The following RBFOX1 variants were observed in gnomAD, a reference collection of about 807,000 sequenced individuals.
The protein encoded by RBFOX1 is RNA binding fox-1 homolog 1.
A neutral mutation model predicts 57.7 loss-of-function variants in RBFOX1; 8 were observed. The observed-to-expected ratio is 0.14, with a 90% CI of 0.08 to 0.25. The LOEUF (loss-of-function observed/expected upper bound fraction) is 0.25, where lower values mean the gene tolerates loss of function less well. Ranked by LOEUF, RBFOX1 falls within the 10% of genes least tolerant of loss-of-function variation. RBFOX1 has a pLI of 1.00. For missense variants in RBFOX1, 611 were observed against 548.5 expected (o/e 1.11, Z -1.14); for synonymous variants, 326 against 222.4 (o/e 1.47, Z -4.15).
intron 3 of RBFOX1, among the ~76,000 whole-genome samples, chr16:6,811,384 C>G (rs1006141269): frequency 2.0e-5 from 3 of 152,154 alleles, no homozygotes; most frequent in African/African-American, 4.8e-5. Context: ...ATGTGATTAG[C>G]TTTTAGCTAG....
chr16:7,181,261 C>T (rs1036545687), intron 4 of RBFOX1, among the ~76,000 whole-genome samples: 1 of 152,154 alleles, frequency 6.6e-6, no homozygotes, highest in African/African-American at 2.4e-5. Flanking sequence ...GTCATGAGAA[C>T]TGAAGGAGTA....
At chr16:7,248,386 G>A (rs763886825) in intron 4 of RBFOX1, among the ~76,000 whole-genome samples, 2 of 152,190 alleles carry the variant, frequency 1.3e-5, no homozygotes, top group Non-Finnish European at 2.9e-5. Context: ...GTGGGTATCA[G>A]AATACATTTG....
At chr16:6,006,435 T>G (rs1175162669) in intron 4 of RBFOX1, among the ~76,000 whole-genome samples, 1 of 151,960 alleles carries the variant, frequency 6.6e-6, no homozygotes, top group Non-Finnish European at 1.5e-5. Context: ...AGTAGAATAT[T>G]ACATGCCAGT....
At chr16:6,999,000 C>G (rs890975775) in intron 3 of RBFOX1, among the ~76,000 whole-genome samples, 1 of 151,410 alleles carries the variant, frequency 6.6e-6, no homozygotes, top group African/African-American at 2.4e-5. Context: ...TCCTGAGTAG[C>G]TGGAATTACA....
intron 4 of RBFOX1, among the ~76,000 whole-genome samples, chr16:5,894,034 C>T (rs1463081775): frequency 6.6e-6 from 1 of 152,014 alleles, no homozygotes; most frequent in Non-Finnish European, 1.5e-5. Flanking sequence ...GAGGAAGTAG[C>T]AGTCATCCAC....
chr16:6,311,157 G>A, intron 1 of RBFOX1, among the ~76,000 whole-genome samples: 1 of 151,766 alleles, frequency 6.6e-6, no homozygotes. Flanking sequence ...TTAGCTGGAC[G>A]TTGTGGTGGG....
intron 2 of RBFOX1, among the ~76,000 whole-genome samples, chr16:6,446,189 A>G (rs984075690): frequency 6.6e-6 from 1 of 152,090 alleles, no homozygotes; most frequent in African/African-American, 2.4e-5. Context: ...TATTCATTAG[A>G]GCCAGGGTCT....
intron 4 of RBFOX1, among the ~76,000 whole-genome samples, chr16:5,887,600 C>T (rs980876361): frequency 1.3e-5 from 2 of 152,224 alleles, no homozygotes; most frequent in Non-Finnish European, 1.5e-5. Flanking sequence ...GATGAGGTTT[C>T]ACCAAGTTGG....
chr16:5,316,313 A>G (rs183590480), intron 1 of RBFOX1, among the ~76,000 whole-genome samples: 2 of 152,312 alleles, frequency 1.3e-5, no homozygotes, highest in Admixed American at 1.3e-4. Flanking sequence ...TCAGTGTGGC[A>G]TTGCACCTTC....
At chr16:7,004,831 C>T (rs2093157263) in intron 3 of RBFOX1, among the ~76,000 whole-genome samples, 1 of 152,114 alleles carries the variant, frequency 6.6e-6, no homozygotes, top group Non-Finnish European at 1.5e-5. Flanking sequence ...CTGTTGGAAC[C>T]TGTTGGGACA....
intron 3 of RBFOX1, among the ~76,000 whole-genome samples, chr16:6,909,328 C>T (rs8047057): frequency 6.6e-6 from 1 of 151,918 alleles, no homozygotes; most frequent in Admixed American, 6.6e-5. Flanking sequence ...CTCTGGTCTT[C>T]CTCTTGTAAG....
intron 3 of RBFOX1, among the ~76,000 whole-genome samples, chr16:5,834,779 T>C (rs59150948): frequency 2.7e-3 from 61 of 22,828 alleles, no homozygotes; most frequent in Non-Finnish European, 4.3e-3. Context: ...GCACAGATGA[T>C]AGATAGATAG....
At position 7,010,842 on chromosome 16, in the gene RBFOX1, G is replaced by A. The variant is rs1200693798; in HGVS notation, c.-15-41215G>A. Among the ~76,000 whole-genome samples, 3 of 152,182 alleles carry A rather than the reference G, an allele frequency of 2.0e-5. No homozygotes were observed. In the East Asian group the frequency reaches 5.8e-4, roughly 29 times the overall value. ...TGCCTCTGCCTCCGCCTCCCAAAGTGCTGGGATTATAGGCATGAGCCACTG... is the reference window on the plus strand; with the variant it reads ...TGCCTCTGCCTCCGCCTCCCAAAGTACTGGGATTATAGGCATGAGCCACTG... On this transcript the variant is annotated intron_variant, in intron 3 of 15. Transcript: ENST00000550418.
At chr16:5,780,484 C>T (rs144090787) in intron 3 of RBFOX1, among the ~76,000 whole-genome samples, 2 of 152,082 alleles carry the variant, frequency 1.3e-5, no homozygotes. Flanking sequence ...AAGATAAAAT[C>T]ATAATATCAC....
chr16:6,618,957 G>T (rs1447538384), intron 2 of RBFOX1, among the ~76,000 whole-genome samples: 1 of 152,160 alleles, frequency 6.6e-6, no homozygotes, highest in South Asian at 2.1e-4. Flanking sequence ...CACAGAGAAT[G>T]CAAAAGGGTT....
intron 4 of RBFOX1, among the ~76,000 whole-genome samples, chr16:7,365,017 T>C (rs1418037071): frequency 5.3e-5 from 8 of 152,160 alleles, no homozygotes; most frequent in African/African-American, 1.7e-4. Context: ...TCTGTCTGTC[T>C]ATCCATCCGT....
At chr16:6,024,739 C>T (rs182728839) in intron 1 of RBFOX1, among the ~76,000 whole-genome samples, 49 of 152,326 alleles carry the variant, frequency 3.2e-4, no homozygotes, top group Non-Finnish European at 5.7e-4. Flanking sequence ...CCTCCTCGGC[C>T]TCTCAAAGTG....
intron 4 of RBFOX1, among the ~76,000 whole-genome samples, chr16:7,360,376 C>G (rs759305687): frequency 3.3e-5 from 5 of 152,120 alleles, no homozygotes; most frequent in Non-Finnish European, 7.4e-5. Flanking sequence ...TCATATGTGG[C>G]TGAAATAAAT....
intron 3 of RBFOX1, among the ~76,000 whole-genome samples, chr16:6,857,132 A>AT (rs1290051407): frequency 6.6e-6 from 1 of 152,138 alleles, no homozygotes; most frequent in South Asian, 2.1e-4. Context: ...CTGTAGAGTG[A>AT]TTTTTTGTGT....
Sources: allele counts gnomAD v4.1 joint callset (sites outside exome capture counted in the v4.1 genomes callset), GRCh38; gene constraint gnomAD v4.1.1; transcripts MANE v1.5; gene names NCBI Gene and HGNC (gene_info 2026-07-23, HGNC 2026-07-21).